NXN: variants seen among roughly 807,000 people sequenced by gnomAD.
NXN encodes the protein nucleoredoxin 1.
A neutral mutation model predicts 48.6 loss-of-function variants in NXN; 16 were observed. That is an observed-to-expected ratio of 0.33 (90% CI 0.22 to 0.50). The LOEUF (loss-of-function observed/expected upper bound fraction) is 0.50, where lower values mean the gene tolerates loss of function less well. NXN is among the 20% of genes least tolerant of loss of function. NXN has a pLI of 0.98. For missense variants in NXN, 492 were observed against 605.5 expected (o/e 0.81, Z 1.97); for synonymous variants, 281 against 269.6 (o/e 1.04, Z -0.41).
intron 1 of NXN, among the ~76,000 whole-genome samples, chr17:925,136 C>A (rs1222757227): frequency 6.6e-6 from 1 of 151,060 alleles, no homozygotes; most frequent in Non-Finnish European, 1.5e-5. Context: ...CTCGCAGAAG[C>A]ACCAAAGGAG....
At chr17:931,159 C>T (rs976085632) in intron 1 of NXN, among the ~76,000 whole-genome samples, 7 of 151,974 alleles carry the variant, frequency 4.6e-5, no homozygotes, top group Non-Finnish European at 7.4e-5. Context: ...TGGTGTCGCA[C>T]GCCTGTAGGC....
At chr17:861,070 G>A in intron 1 of NXN, among the ~76,000 whole-genome samples, 1 of 152,172 alleles carries the variant, frequency 6.6e-6, no homozygotes, top group Non-Finnish European at 1.5e-5. Flanking sequence ...AGGGCCCTGG[G>A]CAGCTGGTTC....
At chr17:929,954 T>C (rs1417772542) in intron 1 of NXN, 1 of 124,090 alleles carries the variant, frequency 8.1e-6, no homozygotes, top group Non-Finnish European at 1.7e-5. Flanking sequence ...CTAACTGGTA[T>C]CTGAACTACA....
chr17:886,703 G>A (rs968393582), intron 1 of NXN, among the ~76,000 whole-genome samples: 2 of 151,882 alleles, frequency 1.3e-5, no homozygotes, highest in Non-Finnish European at 2.9e-5. Context: ...ACTTCAACTC[G>A]GGAGGTGGAG....
intron 1 of NXN, among the ~76,000 whole-genome samples, chr17:902,109 G>C (rs62070203): frequency 0.047 from 7,207 of 152,246 alleles, 253 homozygotes; most frequent in Non-Finnish European, 0.065. Flanking sequence ...AAATACCCTC[G>C]GGTGTTTGTC....
chr17:954,839 T>TG lies in NXN; in HGVS notation c.360+24479dup, dbSNP rs1489454995. On this transcript the variant is annotated intron_variant, in intron 1 of 7. Coordinates refer to ENST00000336868, the MANE Select transcript of NXN (RefSeq NM_022463.5). ...GCCTAGACTCCCAGATTGAAGCACC[T>TG]GACCTTCTGTAAATTCCTTTCTTTA... Among the ~76,000 whole-genome samples, 1,432 of 152,380 alleles carry TG rather than the reference T, an allele frequency of 9.4e-3. 20 individuals carry two copies. Among genetic ancestry groups the TG allele is most frequent in the African/African-American group, 0.033 (1,380 of 41,602 alleles).
At chr17:870,902 A>G (rs1290258906) in intron 1 of NXN, among the ~76,000 whole-genome samples, 1 of 152,108 alleles carries the variant, frequency 6.6e-6, no homozygotes, top group Non-Finnish European at 1.5e-5. Flanking sequence ...TCTGTCGCCC[A>G]GGCTGGAGTG....
intron 1 of NXN, among the ~76,000 whole-genome samples, chr17:843,787 T>C (rs2067827869): frequency 6.6e-6 from 1 of 152,200 alleles, no homozygotes; most frequent in African/African-American, 2.4e-5. Context: ...ACGTGAACGT[T>C]GGGACCCTGA....
At chr17:887,222 C>G (rs1013854196) in intron 1 of NXN, among the ~76,000 whole-genome samples, 6 of 152,126 alleles carry the variant, frequency 3.9e-5, no homozygotes, top group Non-Finnish European at 5.9e-5. Context: ...TGGCCTCAGT[C>G]TTTTATCTGG....
intron 1 of NXN, among the ~76,000 whole-genome samples, chr17:928,362 C>T (rs1026103143): frequency 6.6e-6 from 1 of 152,158 alleles, no homozygotes; most frequent in African/African-American, 2.4e-5. Flanking sequence ...CTATGGAATC[C>T]TTGTGGACAA....
At chr17:866,633 C>CAGTA (rs2068098342) in intron 1 of NXN, among the ~76,000 whole-genome samples, 1 of 152,172 alleles carries the variant, frequency 6.6e-6, no homozygotes, top group African/African-American at 2.4e-5. Context: ...TAACACCCTT[C>CAGTA]AGTACCATGT....
intron 1 of NXN, among the ~76,000 whole-genome samples, chr17:955,910 AAAAG>A (rs951817006): frequency 6.6e-6 from 1 of 150,814 alleles, no homozygotes; most frequent in African/African-American, 2.4e-5. Flanking sequence ...TCAAAAAAAA[AAAAG>A]AGAGAGAGAG....
intron 1 of NXN, among the ~76,000 whole-genome samples, chr17:915,986 C>T (rs1280921043): frequency 6.6e-6 from 1 of 152,232 alleles, no homozygotes; most frequent in Non-Finnish European, 1.5e-5. Context: ...TTTTAAACCA[C>T]ATTTTGTAAA....
intron 1 of NXN, among the ~76,000 whole-genome samples, chr17:842,957 A>AG (rs1914419187): frequency 6.9e-6 from 1 of 144,330 alleles, no homozygotes; most frequent in Admixed American, 6.9e-5. Flanking sequence ...GAAAGGAAAG[A>AG]AAGAAAGAGA....
rs539869063 is a variant in NXN, at chr17:900,425, A to G, written c.361-74347T>C. 9.2e-5 allele frequency among the ~76,000 whole-genome samples: 14 copies of G among 152,336 alleles called. No individual in the cohort carries two copies. In the East Asian group the frequency reaches 2.7e-3, roughly 29 times the overall value. Reference sequence around the variant, plus strand: ...AACCCAGAGCTGACCATCTGGCTTCAGAGCCCACTCTCTTCCCCACCAGAT... The same window carrying G: ...AACCCAGAGCTGACCATCTGGCTTCGGAGCCCACTCTCTTCCCCACCAGAT... On this transcript the variant is annotated intron_variant, in intron 1 of 7. Coordinates refer to ENST00000336868, the MANE Select transcript of NXN (RefSeq NM_022463.5).
chr17:906,361 A>G (rs1438700354), intron 1 of NXN, among the ~76,000 whole-genome samples: 2 of 152,124 alleles, frequency 1.3e-5, no homozygotes, highest in Non-Finnish European at 2.9e-5. Flanking sequence ...TGTTTTTTAA[A>G]GTTTTTTTTT....
chr17:950,007 T>C (rs2069091569), intron 1 of NXN, among the ~76,000 whole-genome samples: 1 of 152,062 alleles, frequency 6.6e-6, no homozygotes, highest in Non-Finnish European at 1.5e-5. Context: ...ATTAGTAGGC[T>C]GAAGACAGCC....
intron 5 of NXN, among the ~76,000 whole-genome samples, chr17:812,784 G>T (rs1184258618): frequency 6.6e-6 from 1 of 150,718 alleles, no homozygotes; most frequent in Admixed American, 6.6e-5. Context: ...GTGTGTGCAT[G>T]TGTGTAGGTG....
chr17:926,553 G>GT (rs568417902), intron 1 of NXN, among the ~76,000 whole-genome samples: 28,970 of 130,620 alleles, frequency 0.22, 3,136 homozygotes, highest in African/African-American at 0.3. Flanking sequence ...TTGTTTTTTT[G>GT]TTTTTTTTTT....
Sources: gnomAD v4.1 joint callset for allele counts (sites outside exome capture counted in the v4.1 genomes callset) on GRCh38, gnomAD v4.1.1 for gene constraint, MANE v1.5 for transcripts, NCBI Gene and HGNC (gene_info 2026-07-23, HGNC 2026-07-21) for gene names.